The following ARHGAP15 variants were observed in gnomAD, a reference collection of about 807,000 sequenced individuals.
The protein encoded by ARHGAP15 is Rho GTPase activating protein 15.
A neutral mutation model predicts 63.7 loss-of-function variants in ARHGAP15; 51 were observed. The observed-to-expected ratio is 0.80, with a 90% confidence interval of 0.64 to 1.01. ARHGAP15 has a LOEUF of 1.01. Ranked by LOEUF, ARHGAP15 falls within the 50% of genes least tolerant of loss-of-function variation. The pLI is 0.00. For synonymous variants in ARHGAP15, 191 were observed against 193.8 expected (o/e 0.99, Z 0.12); for missense variants, 560 against 564.6 (o/e 0.99, Z 0.08).
chr2:143,577,558 C>T (rs1375617168), intron 11 of ARHGAP15, among the ~76,000 whole-genome samples: 1 of 152,114 alleles, frequency 6.6e-6, no homozygotes, highest in African/African-American at 2.4e-5. Context: ...CTCAGCTCTG[C>T]TCTCCTCCCC....
chr2:143,456,511 A>G (rs1201313036), intron 8 of ARHGAP15, among the ~76,000 whole-genome samples: 2 of 152,076 alleles, frequency 1.3e-5, no homozygotes, highest in African/African-American at 2.4e-5. Context: ...AAAGAAAAAA[A>G]TTGTAATCAA....
chr2:143,627,637 C>T (rs745500140), intron 12 of ARHGAP15, among the ~76,000 whole-genome samples: 1 of 152,084 alleles, frequency 6.6e-6, no homozygotes, highest in Non-Finnish European at 1.5e-5. Flanking sequence ...GATCCACTCG[C>T]GAGTTTTCGG....
At chr2:143,618,972 G>T (rs1698550854) in intron 11 of ARHGAP15, among the ~76,000 whole-genome samples, 1 of 149,054 alleles carries the variant, frequency 6.7e-6, no homozygotes, top group Admixed American at 6.8e-5. Flanking sequence ...TTACAGGCAT[G>T]CCACCATGCC....
chr2:143,404,246 AAGAATGAT>A (rs146631396), intron 6 of ARHGAP15, among the ~76,000 whole-genome samples: 6,380 of 151,896 alleles, frequency 0.042, 224 homozygotes, highest in East Asian at 0.13. Context: ...TGGAGAAAAC[AAGAATGAT>A]AGAGTTCAAG....
At chr2:143,467,242 C>CTTTTTTTTTTTTTTTTTTTTTTTTATTTT (rs202115707) in intron 8 of ARHGAP15, among the ~76,000 whole-genome samples, 1 of 57,894 alleles carries the variant, frequency 1.7e-5, no homozygotes, top group Non-Finnish European at 3.0e-5. Flanking sequence ...ACTCCATGGC[C>CTTTTTTTTTTTTTTTTTTTTTTTTATTTT]TTTTTTTTTT....
chr2:143,392,718 TGA>T (rs1376327120), intron 6 of ARHGAP15, among the ~76,000 whole-genome samples: 5 of 152,180 alleles, frequency 3.3e-5, no homozygotes, highest in African/African-American at 9.6e-5. Context: ...ATGAATCTGC[TGA>T]GAGTTTTTTG....
chr2:143,245,330 A>G (rs969265488), intron 5 of ARHGAP15, among the ~76,000 whole-genome samples: 2 of 152,224 alleles, frequency 1.3e-5, no homozygotes, highest in Admixed American at 1.3e-4. Flanking sequence ...CCAAGAAACA[A>G]GAGGGCTCTA....
Position 143,624,154 on chromosome 2 carries a change from A to G in ARHGAP15, c.1025A>G (p.Asp342Gly). 1.2e-6 allele frequency: 2 copies of G among 1,613,470 alleles called. No individual in the cohort carries two copies. The highest frequency in any genetic ancestry group is 1.1e-5 in the South Asian group (1 of 91,038). The change falls in exon 12 of 14, where the codon GAC becomes GGC. Residue 342 changes from aspartate (D) to glycine (G), a missense_variant. Physicochemically the swap from Asp to Gly is moderately conservative, Grantham distance 94. Coordinates refer to ENST00000295095, the MANE Select transcript of ARHGAP15 (RefSeq NM_018460.4). ...VNQEEKLNLDDSQWEDIHVVT... is the reference protein window; with the variant it reads ...VNQEEKLNLDGSQWEDIHVVT... Reference sequence around the variant, plus strand: ...CCAGAAGAGAAGCTGAATTTGGACGACAGCCAGTGGGAGGACATCCACGTT... The same window carrying G: ...CCAGAAGAGAAGCTGAATTTGGACGGCAGCCAGTGGGAGGACATCCACGTT...
intron 10 of ARHGAP15, among the ~76,000 whole-genome samples, chr2:143,538,488 T>C (rs1287647255): frequency 3.3e-5 from 5 of 152,308 alleles, no homozygotes; most frequent in Non-Finnish European, 5.9e-5. Context: ...CCAGTTTTTG[T>C]CCACTCAGTA....
intron 6 of ARHGAP15, among the ~76,000 whole-genome samples, chr2:143,334,960 G>C (rs764686925): frequency 2.0e-5 from 3 of 152,178 alleles, no homozygotes; most frequent in Non-Finnish European, 4.4e-5. Flanking sequence ...CAAACACTGG[G>C]ATGAGAATGT....
At chr2:143,335,272 C>T (rs1387867808) in intron 6 of ARHGAP15, among the ~76,000 whole-genome samples, 7 of 152,306 alleles carry the variant, frequency 4.6e-5, no homozygotes, top group Non-Finnish European at 1.5e-5. Flanking sequence ...AATCACTTTC[C>T]TCCTTCAACT....
At chr2:143,353,523 A>C (rs1166698816) in intron 6 of ARHGAP15, among the ~76,000 whole-genome samples, 1 of 152,066 alleles carries the variant, frequency 6.6e-6, no homozygotes, top group East Asian at 1.9e-4. Context: ...AGATCTTTTT[A>C]TTTTTAATTT....
chr2:143,493,999 A>T (rs543249392), intron 9 of ARHGAP15, among the ~76,000 whole-genome samples: 2 of 152,240 alleles, frequency 1.3e-5, no homozygotes, highest in South Asian at 2.1e-4. Context: ...TCTCAGAATC[A>T]TTGGGGGGTT....
intron 1 of ARHGAP15, among the ~76,000 whole-genome samples, chr2:143,145,136 A>G (rs1334613601): frequency 6.6e-6 from 1 of 152,030 alleles, no homozygotes; most frequent in Non-Finnish European, 1.5e-5. Flanking sequence ...GCATGTGCAC[A>G]TCTGGAACTG....
rs181936891 is a variant in ARHGAP15 at position 143,467,947 on chromosome 2, C to G, written c.704-19426C>G. ...ATCTATCTTTGCCATAGCAGTACCA[C>G]TTTATTGTTGTAAATACCTATTTTT... On this transcript the variant is annotated intron_variant, in intron 8 of 13. Coordinates refer to ENST00000295095, the MANE Select transcript of ARHGAP15 (RefSeq NM_018460.4). Among the ~76,000 whole-genome samples the G allele has an allele frequency of 1.9e-4, 29 of 152,168 alleles. No homozygotes were observed. In the Middle Eastern group the frequency reaches 0.014, roughly 71 times the overall value.
At chr2:143,534,320 G>A (rs1209809531) in intron 10 of ARHGAP15, among the ~76,000 whole-genome samples, 5 of 152,178 alleles carry the variant, frequency 3.3e-5, no homozygotes, top group Non-Finnish European at 7.3e-5. Context: ...GCTGAACTGT[G>A]AGTCAATTAA....
intron 5 of ARHGAP15, among the ~76,000 whole-genome samples, chr2:143,245,987 G>GA (rs905042633): frequency 6.6e-5 from 10 of 151,968 alleles, no homozygotes; most frequent in South Asian, 2.1e-4. Context: ...AATGACACAG[G>GA]AAAAAAATGG....
chr2:143,409,500 T>A (rs1404395353), intron 6 of ARHGAP15, among the ~76,000 whole-genome samples: 1 of 152,076 alleles, frequency 6.6e-6, no homozygotes, highest in Non-Finnish European at 1.5e-5. Context: ...TAACGTTACA[T>A]GATTTAAGAT....
intron 10 of ARHGAP15, among the ~76,000 whole-genome samples, chr2:143,532,861 G>A (rs1035635501): frequency 2.0e-5 from 3 of 152,080 alleles, no homozygotes; most frequent in Non-Finnish European, 4.4e-5. Context: ...CAATGCATTG[G>A]GTAGAGGAGA....
Sources: allele counts gnomAD v4.1 joint callset (sites outside exome capture counted in the v4.1 genomes callset), GRCh38; gene constraint gnomAD v4.1.1; transcripts MANE v1.5; gene names NCBI Gene and HGNC (gene_info 2026-07-23, HGNC 2026-07-21).